The following FAF1 variants were observed in gnomAD, a reference collection of about 807,000 sequenced individuals.
FAF1 encodes Fas associated factor 1.
In FAF1, 25 loss-of-function variants were observed where a neutral mutation model predicts 92.5. The ratio of observed to expected loss-of-function variants is 0.27; its 90% CI spans 0.20 to 0.38. FAF1 has a LOEUF of 0.38. FAF1 is among the 10% of genes least tolerant of loss of function. The pLI is 1.00. For missense variants in FAF1, 636 were observed against 793.3 expected (o/e 0.80, Z 2.38); for synonymous variants, 234 against 273.2 (o/e 0.86, Z 1.42).
intron 7 of FAF1, among the ~76,000 whole-genome samples, chr1:50,695,474 A>T (rs1334231680): frequency 6.6e-6 from 1 of 152,188 alleles, no homozygotes; most frequent in Non-Finnish European, 1.5e-5. Context: ...AAGGGGAATT[A>T]TATAAATGAA....
At chr1:50,601,646 C>T (rs1253029642) in intron 8 of FAF1, among the ~76,000 whole-genome samples, 1 of 152,038 alleles carries the variant, frequency 6.6e-6, no homozygotes, top group African/African-American at 2.4e-5. Context: ...TGAGCCGCTG[C>T]ACTCCAGCCT....
At chr1:50,744,885 T>C in intron 4 of FAF1, 110 bp from the exon 5 acceptor site, 1 of 541,176 alleles carries the variant, frequency 1.8e-6, no homozygotes, top group East Asian at 3.1e-5. Context: ...GTCAATGACA[T>C]TTGTCTGATG....
At chr1:50,815,126 C>T (rs1361434772) in intron 2 of FAF1, among the ~76,000 whole-genome samples, 1 of 151,868 alleles carries the variant, frequency 6.6e-6, no homozygotes, top group Non-Finnish European at 1.5e-5. Context: ...GTACATCTGC[C>T]GATTTGTTAC....
At chr1:50,592,846 G>A (rs1403148664) in intron 9 of FAF1, among the ~76,000 whole-genome samples, 4 of 151,764 alleles carry the variant, frequency 2.6e-5, no homozygotes, top group African/African-American at 4.8e-5. Flanking sequence ...GCTAAGGCAC[G>A]AGAATTGCTT....
intron 13 of FAF1, among the ~76,000 whole-genome samples, chr1:50,543,570 G>A (rs191187944): frequency 6.6e-6 from 1 of 152,232 alleles, no homozygotes; most frequent in East Asian, 1.9e-4. Context: ...CCTAAAATAT[G>A]GTAGGCCCTT....
chr1:50,455,899 C>T (rs1177420314), intron 18 of FAF1, among the ~76,000 whole-genome samples: 1 of 151,864 alleles, frequency 6.6e-6, no homozygotes, highest in African/African-American at 2.4e-5. Flanking sequence ...ATGGTGAAAC[C>T]CTGTCTCTAC....
chr1:50,709,198 C>G (rs376047736), intron 6 of FAF1, among the ~76,000 whole-genome samples: 2 of 152,144 alleles, frequency 1.3e-5, no homozygotes, highest in African/African-American at 2.4e-5. Context: ...TCCTCCTTTC[C>G]TTTGCTCCCT....
chr1:50,820,494 T>C (rs1011350820), intron 2 of FAF1, among the ~76,000 whole-genome samples: 15 of 152,192 alleles, frequency 9.9e-5, no homozygotes, highest in African/African-American at 3.6e-4. Flanking sequence ...TGTGTGTGTG[T>C]CCATGTGTGA....
chr1:50,563,743 A>T (rs1650039884), intron 13 of FAF1, among the ~76,000 whole-genome samples: 1 of 152,238 alleles, frequency 6.6e-6, no homozygotes, highest in Non-Finnish European at 1.5e-5. Flanking sequence ...TTAGCAGGGG[A>T]GATGACAGAC....
intron 9 of FAF1, among the ~76,000 whole-genome samples, chr1:50,587,145 C>T (rs1005669241): frequency 6.6e-6 from 1 of 152,210 alleles, no homozygotes; most frequent in African/African-American, 2.4e-5. Context: ...TACTGTCCCA[C>T]ATCCATCCTC....
intron 1 of FAF1, among the ~76,000 whole-genome samples, chr1:50,914,803 G>C (rs911405883): frequency 1.3e-5 from 2 of 151,880 alleles, no homozygotes; most frequent in African/African-American, 4.8e-5. Context: ...GGTCATCCTA[G>C]ACCTCCCCTT....
At chr1:50,467,600 A>G (rs1384855623) in intron 18 of FAF1, among the ~76,000 whole-genome samples, 1 of 152,158 alleles carries the variant, frequency 6.6e-6, no homozygotes, top group Non-Finnish European at 1.5e-5. Context: ...GACATGAGCC[A>G]CCATGCTCAG....
chr1:50,622,373 C>T (rs1035609032), intron 8 of FAF1, among the ~76,000 whole-genome samples: 3 of 152,066 alleles, frequency 2.0e-5, no homozygotes, highest in Non-Finnish European at 2.9e-5. Context: ...TCCCAGCTTC[C>T]TCCCTTTTCA....
At chr1:50,705,619 T>A (rs186256718) in intron 7 of FAF1, among the ~76,000 whole-genome samples, 167 bp downstream of exon 7, 1 of 152,318 alleles carries the variant, frequency 6.6e-6, no homozygotes, top group East Asian at 1.9e-4. Flanking sequence ...GGTCAAGTCA[T>A]TTAGTATATC....
At chr1:50,479,876 T>G (rs1433981747) in intron 17 of FAF1, among the ~76,000 whole-genome samples, 2 of 152,160 alleles carry the variant, frequency 1.3e-5, no homozygotes, top group Non-Finnish European at 2.9e-5. Context: ...CCTTGAGATT[T>G]GAATATCCAA....
At chr1:50,723,406 A>G (rs887275727) in intron 6 of FAF1, among the ~76,000 whole-genome samples, 1 of 152,004 alleles carries the variant, frequency 6.6e-6, no homozygotes, top group Non-Finnish European at 1.5e-5. Flanking sequence ...TCCAAAAAAA[A>G]AAAAAAAATA....
At chr1:50,816,887 T>G (rs904328102) in intron 2 of FAF1, among the ~76,000 whole-genome samples, 13 of 152,178 alleles carry the variant, frequency 8.5e-5, no homozygotes, top group African/African-American at 3.1e-4. Context: ...CTACTTTCAT[T>G]TTTTTCTGAA....
intron 18 of FAF1, among the ~76,000 whole-genome samples, chr1:50,445,038 C>A (rs1204212026): frequency 6.6e-6 from 1 of 152,106 alleles, no homozygotes; most frequent in African/African-American, 2.4e-5. Flanking sequence ...CAGGTATAGT[C>A]CAAGCACTTT....
chr1:50,719,792 G>C (rs541349596), intron 6 of FAF1, among the ~76,000 whole-genome samples: 3 of 152,092 alleles, frequency 2.0e-5, no homozygotes, highest in Admixed American at 2.0e-4. Flanking sequence ...GAGAATACCC[G>C]CAGTTCTTTT....
Sources: gnomAD v4.1 joint callset for allele counts (sites outside exome capture counted in the v4.1 genomes callset) on GRCh38, gnomAD v4.1.1 for gene constraint, MANE v1.5 for transcripts, NCBI Gene and HGNC (gene_info 2026-07-23, HGNC 2026-07-21) for gene names.